IL23R: variants seen among roughly 807,000 people sequenced by gnomAD.
IL23R encodes the protein interleukin-23 receptor.
A neutral mutation model predicts 56.9 loss-of-function variants in IL23R; 34 were observed. The observed-to-expected ratio is 0.60, with a 90% CI of 0.45 to 0.80. The LOEUF is 0.80. Among genes scored for constraint, IL23R ranks in the 30% least tolerant of loss-of-function variants. IL23R has a pLI of 0.00. For synonymous variants in IL23R, 230 were observed against 249.2 expected, an observed-to-expected ratio of 0.92 and a Z score of 0.73; for missense variants, 635 against 730.0, an observed-to-expected ratio of 0.87 and a Z score of 1.50.
intron 5 of IL23R, among the ~76,000 whole-genome samples, chr1:67,204,613 C>T (rs1168050450): frequency 6.6e-6 from 1 of 152,110 alleles, no homozygotes; most frequent in African/African-American, 2.4e-5. Flanking sequence ...TCCTAGAATG[C>T]TTGTGCTGCT....
intron 7 of IL23R, among the ~76,000 whole-genome samples, chr1:67,229,776 C>A (rs1373788102): frequency 6.6e-6 from 1 of 152,180 alleles, no homozygotes; most frequent in Non-Finnish European, 1.5e-5. Context: ...ATTATAGTAA[C>A]CTGTTCACAG....
intron 6 of IL23R, 99 bp from the exon 7 acceptor site, chr1:67,219,475 A>G: frequency 8.9e-7 from 1 of 1,127,598 alleles, no homozygotes; most frequent in East Asian, 2.4e-5. Context: ...AGTCTAGAAG[A>G]CAGCTTGGAA....
At chr1:67,155,541 G>A (rs967274202) in intron 1 of IL23R, among the ~76,000 whole-genome samples, 1 of 152,004 alleles carries the variant, frequency 6.6e-6, no homozygotes, top group African/African-American at 2.4e-5. Flanking sequence ...TCAGCAAGGT[G>A]GTCTTCAAAC....
intron 9 of IL23R, among the ~76,000 whole-genome samples, chr1:67,242,518 G>A (rs1383175113): frequency 6.6e-6 from 1 of 152,122 alleles, no homozygotes; most frequent in Non-Finnish European, 1.5e-5. Flanking sequence ...CATTAAGGAC[G>A]CTGTCTTCTT....
chr1:67,149,679 A>T (rs1237103450), intron 1 of IL23R, among the ~76,000 whole-genome samples: 2 of 152,094 alleles, frequency 1.3e-5, no homozygotes, highest in African/African-American at 4.8e-5. Flanking sequence ...ACTCTAAGCT[A>T]CCTACTTTAT....
upstream of IL23R, chr1:67,166,450 A>C (rs891807667): frequency 6.6e-6 from 1 of 152,406 alleles, no homozygotes; most frequent in Non-Finnish European, 1.5e-5. Context: ...GAGTGCTGAC[A>C]GGCAGGCAGT....
At chr1:67,258,452 A>G in intron 10 of IL23R, 26 bp from the exon 11 acceptor site, 1 of 1,576,174 alleles carries the variant, frequency 6.3e-7, no homozygotes, top group Non-Finnish European at 8.7e-7. Flanking sequence ...TCTTTTGCAA[A>G]ATAAAATGAT....
chr1:67,263,698 G>T (rs1653273545), downstream of IL23R, among the ~76,000 whole-genome samples: 1 of 152,110 alleles, frequency 6.6e-6, no homozygotes, highest in Non-Finnish European at 1.5e-5. Context: ...ATCACTTGAG[G>T]TCTGGAGTTT....
At chr1:67,228,167 CT>C (rs1650854290) in intron 7 of IL23R, among the ~76,000 whole-genome samples, 1 of 103,064 alleles carries the variant, frequency 9.7e-6, no homozygotes, top group Non-Finnish European at 2.0e-5. Flanking sequence ...TCCTTCCTTC[CT>C]TCCTTCCTTC....
chr1:67,236,387 G>A (rs1050175034), intron 7 of IL23R, among the ~76,000 whole-genome samples: 28 of 152,272 alleles, frequency 1.8e-4, no homozygotes, highest in Non-Finnish European at 3.4e-4. Flanking sequence ...GTTATCATGC[G>A]TTTTTTCTGG....
chr1:67,248,803 G>A (rs908628365), intron 9 of IL23R, among the ~76,000 whole-genome samples: 1 of 152,176 alleles, frequency 6.6e-6, no homozygotes, highest in Non-Finnish European at 1.5e-5. Flanking sequence ...AGGCACCGGA[G>A]GGAATCTCCT....
rs777049292 is a variant in IL23R at position 67,206,986 on chromosome 1, T to C, written c.729T>C (p.Asp243=). ...TGCCCAAGACCATAATTTATTGGGA[T>C]AGTCAAACAACAATTGAAAAGGTTT... is the stretch of plus-strand genomic sequence containing the variant. ...ATVPKTIIYW[D]SQTTIEKVSC... is the part of the protein sequence containing the mutation. The change falls in exon 6 of 11, where the codon GAT becomes GAC. Residue 243 remains aspartate (D), a synonymous_variant. Coordinates refer to ENST00000347310, the MANE Select transcript of IL23R (RefSeq NM_144701.3). 2.5e-6 allele frequency: 4 copies of C among 1,610,016 alleles called. No homozygotes were observed. The Admixed American group carries it at 5.1e-5, about 20-fold the overall frequency.
At chr1:67,212,739 G>T (rs984660312) in intron 6 of IL23R, among the ~76,000 whole-genome samples, 1 of 152,040 alleles carries the variant, frequency 6.6e-6, no homozygotes, top group African/African-American at 2.4e-5. Flanking sequence ...TAGAGACAGG[G>T]TTGTGTCATG....
chr1:67,227,268 T>C (rs1650679391), intron 7 of IL23R, among the ~76,000 whole-genome samples: 1 of 152,250 alleles, frequency 6.6e-6, no homozygotes, highest in Admixed American at 6.5e-5. Flanking sequence ...TTCTGCATTG[T>C]AATATAGATC....
At chr1:67,205,917 TTC>T (rs766595560) in intron 5 of IL23R, among the ~76,000 whole-genome samples, 75 of 144,964 alleles carry the variant, frequency 5.2e-4, no homozygotes, top group South Asian at 2.2e-4. Flanking sequence ...CTTTCTTTCT[TTC>T]TTTCTTTTTC....
chr1:67,205,802 T>C (rs1445622410), intron 5 of IL23R, among the ~76,000 whole-genome samples: 1 of 152,214 alleles, frequency 6.6e-6, no homozygotes, highest in African/African-American at 2.4e-5. Flanking sequence ...TAGATATAAA[T>C]ATTCATATGT....
intron 7 of IL23R, among the ~76,000 whole-genome samples, chr1:67,226,459 C>T (rs1220452669): frequency 6.6e-6 from 1 of 152,180 alleles, no homozygotes; most frequent in Non-Finnish European, 1.5e-5. Flanking sequence ...GGCCGATCTC[C>T]TCTCTGATCG....
chr1:67,261,538 G>A (rs1256379218), downstream of IL23R, among the ~76,000 whole-genome samples: 1 of 151,348 alleles, frequency 6.6e-6, no homozygotes. Flanking sequence ...TATTCTGAAA[G>A]GAATATATTT....
intron 9 of IL23R, among the ~76,000 whole-genome samples, chr1:67,245,738 G>A (rs963203549): frequency 4.6e-5 from 7 of 152,092 alleles, no homozygotes; most frequent in African/African-American, 9.7e-5. Context: ...TTTTCACATC[G>A]ATGTTTATCA....
Sources: allele counts gnomAD v4.1 joint callset (sites outside exome capture counted in the v4.1 genomes callset), GRCh38; gene constraint gnomAD v4.1.1; transcripts MANE v1.5; gene names NCBI Gene and HGNC (gene_info 2026-07-23, HGNC 2026-07-21).